The following PCBP3 variants were observed in gnomAD, a reference collection of about 807,000 sequenced individuals.
PCBP3 encodes the protein poly(rC)-binding protein 3.
PCBP3 carries 25 observed loss-of-function variants against 52.7 expected under a neutral mutation model. That is an observed-to-expected ratio of 0.47 (90% CI 0.35 to 0.66). The LOEUF (loss-of-function observed/expected upper bound fraction) is 0.66. PCBP3 is among the 30% of genes least tolerant of loss of function. The probability of loss-of-function intolerance (pLI) is 0.01; values close to 1 mark genes in which losing one functional copy is unlikely to be tolerated. For synonymous variants in PCBP3, 162 were observed against 183.0 expected (o/e 0.89, Z 0.93); for missense variants, 391 against 490.3 (o/e 0.80, Z 1.91).
At chr21:45,806,575 G>C (rs1443014624) in intron 4 of PCBP3, among the ~76,000 whole-genome samples, 1 of 151,846 alleles carries the variant, frequency 6.6e-6, no homozygotes, top group Non-Finnish European at 1.5e-5. Flanking sequence ...GTAGCACTTT[G>C]CAAATTACAG....
At chr21:45,927,860 C>T (rs552709841) in intron 13 of PCBP3, among the ~76,000 whole-genome samples, 1 of 152,176 alleles carries the variant, frequency 6.6e-6, no homozygotes, top group East Asian at 1.9e-4. Flanking sequence ...GGAGCCGACT[C>T]CAACCCCTGT....
At chr21:45,697,569 A>C (rs1464789978) in intron 2 of PCBP3, among the ~76,000 whole-genome samples, 2 of 152,022 alleles carry the variant, frequency 1.3e-5, no homozygotes. Context: ...ACATAGTGAG[A>C]TATCACCTCT....
At chr21:45,899,512 T>TA in intron 6 of PCBP3, 87 bp from the exon 7 acceptor site, 1 of 958,814 alleles carries the variant, frequency 1.0e-6, no homozygotes, top group Non-Finnish European at 1.7e-6. Flanking sequence ...ACCGGGAAGG[T>TA]AGGCAGGTTT....
intron 2 of PCBP3, among the ~76,000 whole-genome samples, chr21:45,727,340 A>G (rs1202957354): frequency 6.6e-6 from 1 of 152,138 alleles, no homozygotes; most frequent in Non-Finnish European, 1.5e-5. Flanking sequence ...ACTTGTTCAT[A>G]TGTGTGTGTT....
intron 5 of PCBP3, chr21:45,894,090 T>C: frequency 1.1e-6 from 1 of 932,866 alleles, no homozygotes; most frequent in Non-Finnish European, 1.3e-6. Context: ...TCTGCAGCTC[T>C]GGGAGCTGCT....
At chr21:45,925,088 CA>C (rs2075195541) in intron 13 of PCBP3, among the ~76,000 whole-genome samples, 1 of 88,492 alleles carries the variant, frequency 1.1e-5, no homozygotes, top group Admixed American at 9.5e-5. Flanking sequence ...GAGATGCGAA[CA>C]CCGGGAACAG....
chr21:45,678,334 AT>A (rs1247733743), intron 2 of PCBP3, among the ~76,000 whole-genome samples: 1 of 151,612 alleles, frequency 6.6e-6, no homozygotes, highest in African/African-American at 2.4e-5. Context: ...TAATAATAAA[AT>A]AAATAAATAC....
rs753138498 is a variant in PCBP3 at position 45,911,108 on chromosome 21, C to T, written c.600+78C>T. ...AGCACTGCAGGCAAAGGCTTGGAAGCCCCGGTCGCCCCAAGGACTCACACA... is the reference window on the plus strand; with the variant it reads ...AGCACTGCAGGCAAAGGCTTGGAAGTCCCGGTCGCCCCAAGGACTCACACA... On this transcript the variant is annotated intron_variant, in intron 11 of 17. Coordinates refer to ENST00000681687, the MANE Select transcript of PCBP3 (RefSeq NM_001384156.1). 5.7e-5 allele frequency: 86 copies of T among 1,516,940 alleles called. No homozygotes were observed. In the Admixed American group the frequency reaches 1.3e-3, roughly 22 times the overall value. The allele number at this position is 1,516,940 out of a possible 1,614,324, so 94.0% of individuals were successfully genotyped here. A position where few individuals can be genotyped will look rare whatever the true frequency, so the allele number is the denominator to read the frequency against.
intron 4 of PCBP3, among the ~76,000 whole-genome samples, chr21:45,759,183 G>A (rs1243372603): frequency 6.6e-6 from 1 of 152,152 alleles, no homozygotes; most frequent in African/African-American, 2.4e-5. Flanking sequence ...CTCATAAAAT[G>A]ATTTGGGAAG....
rs3788206 is a variant in PCBP3 at position 45,855,467 on chromosome 21, G to C, written c.10+5372G>C. Among the ~76,000 whole-genome samples the C allele has an allele frequency of 1.9e-3, 289 of 152,240 alleles. 2 individuals carry two copies. Among genetic ancestry groups the C allele is most frequent in the East Asian group, 7.7e-4 (4 of 5,176 alleles). On this transcript the variant is annotated intron_variant, in intron 5 of 17. Transcript: ENST00000681687. ...GACCCCACACCCCACCAGCACAGAG[G>C]GGGGCATGCGTGGGAAGGCCTGGAG...
intron 1 of PCBP3, among the ~76,000 whole-genome samples, chr21:45,646,918 C>G (rs958953352): frequency 5.9e-5 from 9 of 152,200 alleles, no homozygotes; most frequent in Non-Finnish European, 1.0e-4. Context: ...GAGTGGTTGC[C>G]AGGCATTCCT....
In PCBP3 at chr21:45,785,509, G is replaced by C. The variant is rs1422587968; in HGVS notation, c.-126+30057G>C. On this transcript the variant is annotated intron_variant, in intron 4 of 17. Coordinates refer to ENST00000681687, the MANE Select transcript of PCBP3 (RefSeq NM_001384156.1). ...CTGGCCAGCCGCCCCGTCCGGGAGG[G>C]GGGGGGGTCAGCCCCCCGCCCGGCC... 6.6e-5 allele frequency among the ~76,000 whole-genome samples: 8 copies of C among 121,050 alleles called. 1 individual carries two copies. The East Asian group carries it at 1.3e-3, about 20-fold the overall frequency. The allele number at this position is 121,050 out of a possible 152,430, so 79.4% of individuals were successfully genotyped here. A position where few individuals can be genotyped will look rare whatever the true frequency, so the allele number is the denominator to read the frequency against.
rs766963324 is a variant in PCBP3, at chr21:45,827,248, CT to C, written c.-125-22712del. Reference sequence around the variant, plus strand: ...GCGGAACCTAGATGCCTCTTCTAACCTGGCGGCAATGAGGCAGCACACCTCT... The same window carrying C: ...GCGGAACCTAGATGCCTCTTCTAACCGGCGGCAATGAGGCAGCACACCTCT... On this transcript the variant is annotated intron_variant, in intron 4 of 17. Coordinates refer to ENST00000681687, the MANE Select transcript of PCBP3 (RefSeq NM_001384156.1). The surrounding 1 kb of genome is among the most constrained non-coding windows in gnomAD (Gnocchi z 4.3). 3.3e-5 allele frequency among the ~76,000 whole-genome samples: 5 copies of C among 152,184 alleles called. No homozygotes were observed. The highest frequency in any genetic ancestry group is 7.3e-5 in the Non-Finnish European group (5 of 68,044).
At chr21:45,654,229 T>G (rs566155809) in intron 1 of PCBP3, among the ~76,000 whole-genome samples, 116 of 152,308 alleles carry the variant, frequency 7.6e-4, no homozygotes, top group African/African-American at 2.6e-3. Flanking sequence ...TTTTCTTTGC[T>G]CTTCATTGCT....
chr21:45,678,852 A>G (rs8128820), intron 2 of PCBP3, among the ~76,000 whole-genome samples: 26,398 of 150,858 alleles, frequency 0.17, 2,858 homozygotes, highest in Non-Finnish European at 0.24. Context: ...AAGTTATACC[A>G]TGGTGAAAGG....
At chr21:45,825,393 C>T (rs1479699168) in intron 4 of PCBP3, among the ~76,000 whole-genome samples, 3 of 152,092 alleles carry the variant, frequency 2.0e-5, no homozygotes, top group African/African-American at 4.8e-5. Flanking sequence ...AGAGTGTCCC[C>T]GCCGCCGTGG....
At chr21:45,823,723 T>G (rs1037702571) in intron 4 of PCBP3, among the ~76,000 whole-genome samples, 4 of 56,416 alleles carry the variant, frequency 7.1e-5, no homozygotes, top group Non-Finnish European at 1.1e-4. Flanking sequence ...AAAGTAGGTG[T>G]TTTTTTTTTA....
intron 2 of PCBP3, among the ~76,000 whole-genome samples, chr21:45,720,877 G>T (rs1048161495): frequency 6.6e-6 from 1 of 152,228 alleles, no homozygotes; most frequent in Non-Finnish European, 1.5e-5. Context: ...TGACTTCAAC[G>T]TGAGCTCCTG....
intron 4 of PCBP3, among the ~76,000 whole-genome samples, chr21:45,785,368 G>T (rs1450426409): frequency 1.4e-5 from 2 of 147,096 alleles, no homozygotes; most frequent in Non-Finnish European, 3.0e-5. Flanking sequence ...CCGGCCAGCC[G>T]CCCCATCCGG....
Sources: gnomAD v4.1 joint callset for allele counts (sites outside exome capture counted in the v4.1 genomes callset) on GRCh38, gnomAD v4.1.1 for gene constraint, Gnocchi (gnomAD v3.1) non-coding constraint, MANE v1.5 for transcripts, NCBI Gene and HGNC (gene_info 2026-07-23, HGNC 2026-07-21) for gene names.